SMARCC2: variants seen among roughly 807,000 people sequenced by gnomAD.
SMARCC2 encodes the protein SWI/SNF related BAF chromatin remodeling complex subunit C2.
A neutral mutation model predicts 151.3 loss-of-function variants in SMARCC2; 15 were observed. The ratio of observed to expected loss-of-function variants is 0.10; its 90% CI spans 0.07 to 0.15. The LOEUF (loss-of-function observed/expected upper bound fraction) is 0.15. Among genes scored for constraint, SMARCC2 ranks in the 10% least tolerant of loss-of-function variants. The pLI is 1.00. For synonymous variants in SMARCC2, 590 were observed against 609.5 expected (o/e 0.97, Z 0.47); for missense variants, 1,031 against 1,599.7 (o/e 0.64, Z 6.06).
intron 15 of SMARCC2, among the ~76,000 whole-genome samples, chr12:56,177,804 T>C (rs1178449627): frequency 1.3e-5 from 2 of 152,366 alleles, no homozygotes; most frequent in Middle Eastern, 3.4e-3. Context: ...GTATAGAACA[T>C]GCTTAATATC....
At chr12:56,188,143 A>C (rs1877622258) in intron 1 of SMARCC2, among the ~76,000 whole-genome samples, 1 of 152,214 alleles carries the variant, frequency 6.6e-6, no homozygotes, top group Admixed American at 6.5e-5. Flanking sequence ...AAGAGCTAAG[A>C]GCATGGAAGC....
chr12:56,183,874 A>G lies in SMARCC2; in HGVS notation c.619T>C (p.Tyr207His). The G allele has an allele frequency of 6.2e-7, 1 of 1,613,316 alleles. No individual in the cohort carries two copies. Among genetic ancestry groups the G allele is most frequent in the South Asian group, 1.1e-5 (1 of 91,012 alleles). Residue 207 changes from tyrosine to histidine, a missense_variant, in exon 7 of 29, where the codon TAC becomes CAC. By Grantham distance (83) the Tyr-to-His change is moderately conservative. Transcript: ENST00000550164. ...ACCCATCCTCACCTGTCAGGATAGT[A>G]GCCCCAGTGCAGAAGAACCTGCTTA... ...RDKQVLLHWG[Y>H]YPDSYDTWIP... is the part of the protein sequence containing the mutation.
rs762913661 is a variant in SMARCC2 at position 56,178,837 on chromosome 12, T to C, written c.1152A>G (p.Glu384=). The C allele has an allele frequency of 1.2e-6, 2 of 1,614,158 alleles. No homozygotes were observed. The highest frequency in any genetic ancestry group is 3.3e-4 in the Middle Eastern group (2 of 6,062). ...GGTMTDLDEQ[E]DESMETTGKD... is the part of the protein sequence containing the mutation. ...TGCCCGTCGTCTCCATGCTTTCATC[T>C]TCCTGTTCATCTGAAAGAGAAAAAC... Residue 384 remains glutamate, a synonymous_variant, in exon 13 of 29, where the codon GAA becomes GAG. Coordinates refer to ENST00000550164, the MANE Select transcript of SMARCC2 (RefSeq NM_001330288.2).
chr12:56,179,235 T>C (rs1386276880), intron 11 of SMARCC2, among the ~76,000 whole-genome samples, 179 bp from the exon 12 acceptor site: 1 of 152,210 alleles, frequency 6.6e-6, no homozygotes, highest in East Asian at 1.9e-4. Flanking sequence ...TCCCCACTTC[T>C]CCAACCAAAA....
intron 15 of SMARCC2, among the ~76,000 whole-genome samples, chr12:56,176,325 C>A (rs1229053555): frequency 1.3e-5 from 2 of 152,192 alleles, no homozygotes; most frequent in African/African-American, 4.8e-5. Flanking sequence ...CACGGAGGGA[C>A]CCCCAGAGAG....
chr12:56,175,252 C>T (rs1399604011), intron 15 of SMARCC2, among the ~76,000 whole-genome samples: 1 of 152,130 alleles, frequency 6.6e-6, no homozygotes, highest in Non-Finnish European at 1.5e-5. Context: ...CTCAGGTGAG[C>T]CTCCTGCCTC....
chr12:56,168,990 T>C (rs1748253293), intron 25 of SMARCC2, among the ~76,000 whole-genome samples: 1 of 151,112 alleles, frequency 6.6e-6, no homozygotes, highest in Admixed American at 6.6e-5. Context: ...AAAAAATACA[T>C]AAATAAATAA....
intron 1 of SMARCC2, among the ~76,000 whole-genome samples, chr12:56,188,553 G>A (rs772233724): frequency 6.6e-6 from 1 of 152,182 alleles, no homozygotes; most frequent in Non-Finnish European, 1.5e-5. Context: ...AGAAAAGACA[G>A]GTAAGGATTC....
Position 56,162,967 on chromosome 12 carries a change from T to C in SMARCC2, c.*722A>G, listed in dbSNP as rs986780229. 1 of 152,306 alleles carries C rather than the reference T, an allele frequency of 6.6e-6. No homozygotes were observed. Among genetic ancestry groups the C allele is most frequent in the African/African-American group, 2.4e-5 (1 of 41,402 alleles). The allele number at this position is 152,306 out of a possible 1,614,324, so 9.4% of individuals were successfully genotyped here. A position where few individuals can be genotyped will look rare whatever the true frequency, so the allele number is the denominator to read the frequency against. On this transcript the variant is annotated 3_prime_UTR_variant, in exon 29 of 29. Transcript: ENST00000550164. The stretch of plus-strand genomic sequence containing the variant: ...TTAGGTTTTCCCCACCAAATACACA[T>C]ACGCTGACATCAACTAAGCAAGTGA...
intron 25 of SMARCC2, among the ~76,000 whole-genome samples, chr12:56,168,837 G>A (rs1292334298): frequency 2.0e-5 from 3 of 151,606 alleles, no homozygotes; most frequent in African/African-American, 2.4e-5. Flanking sequence ...AAAATTAACC[G>A]GGCATGCTGG....
chr12:56,174,335 C>G lies in SMARCC2; in HGVS notation c.1496+316G>C, dbSNP rs369346725. On this transcript the variant is annotated intron_variant, in intron 16 of 28. Coordinates refer to ENST00000550164, the MANE Select transcript of SMARCC2 (RefSeq NM_001330288.2). ...CCATTTTGTCCAGGCTGGTCTCGAA[C>G]TTCTGGGCTCCAGCAATCCTCCCAC... Among the ~76,000 whole-genome samples the G allele has an allele frequency of 9.9e-5, 15 of 152,272 alleles. No individual in the cohort carries two copies. In the South Asian group the frequency reaches 1.0e-3, roughly 11 times the overall value.
At position 56,171,233 on chromosome 12, in the gene SMARCC2, G is replaced by A. The variant is rs978820146; in HGVS notation, c.2347+38C>T. ...AGGAGGCCAGGTAGCTCTGGATCTT[G>A]TGAAAGGCAAGAAATCTGGGAACCT... is the stretch of plus-strand genomic sequence containing the variant. On this transcript the variant is annotated intron_variant, in intron 22 of 28. Coordinates refer to ENST00000550164, the MANE Select transcript of SMARCC2 (RefSeq NM_001330288.2). This position sits in a 1 kb window ranked among gnomAD's most constrained non-coding sequence, Gnocchi z 4.2. 1 of 1,609,292 alleles carries A rather than the reference G, an allele frequency of 6.2e-7. No homozygotes were observed. Among genetic ancestry groups the A allele is most frequent in the Non-Finnish European group, 8.5e-7 (1 of 1,176,048 alleles).
chr12:56,172,828 TCCTC>T, intron 18 of SMARCC2, 105 bp downstream of exon 18: 1 of 1,563,296 alleles, frequency 6.4e-7, no homozygotes, highest in Non-Finnish European at 8.7e-7. Flanking sequence ...GGGTGGGACT[TCCTC>T]CCTTACTGCT....
chr12:56,175,156 C>A (rs938630683), intron 15 of SMARCC2, among the ~76,000 whole-genome samples: 1 of 152,110 alleles, frequency 6.6e-6, no homozygotes, highest in Non-Finnish European at 1.5e-5. Flanking sequence ...TGATTACAGG[C>A]ATGTGCCACC....
chr12:56,178,586 A>G (rs777387537), intron 13 of SMARCC2, 52 bp from the exon 14 acceptor site: 6 of 1,612,888 alleles, frequency 3.7e-6, no homozygotes, highest in Non-Finnish European at 5.1e-6. Context: ...CCTCCCTAGC[A>G]ACCCTCTGCT....
intron 2 of SMARCC2, chr12:56,186,834 C>T: frequency 1.0e-5 from 2 of 198,108 alleles, no homozygotes; most frequent in South Asian, 1.7e-4. Flanking sequence ...GGAACCAAGA[C>T]TCATGAATGT....
At chr12:56,179,123 C>T in intron 11 of SMARCC2, 67 bp from the exon 12 acceptor site, 1 of 1,368,290 alleles carries the variant, frequency 7.3e-7, no homozygotes, top group African/African-American at 1.4e-5. Flanking sequence ...TTTAATAGTT[C>T]CAGACATCCT....
rs768178089 is a variant in SMARCC2, at chr12:56,181,036, T to A, written c.1022A>T (p.Lys341Met). ...GACTGGTGAGGGCTCGTCCATGTCCTTTGTCAGGTCTTCTTGCTCCTCTTC... is the reference window on the plus strand; with the variant it reads ...GACTGGTGAGGGCTCGTCCATGTCCATTGTCAGGTCTTCTTGCTCCTCTTC... Reference protein sequence around the residue: ...HREEEQEDLTKDMDEPSPVPN... With the variant: ...HREEEQEDLTMDMDEPSPVPN... Residue 341 changes from lysine to methionine, a missense_variant, in exon 11 of 29, where the codon AAG becomes ATG. Physicochemically the swap from Lys to Met is moderately conservative, Grantham distance 95. Transcript: ENST00000550164. 6.2e-7 allele frequency: 1 copy of A among 1,613,782 alleles called. No homozygotes were observed.
intron 18 of SMARCC2, 101 bp from the exon 19 acceptor site, chr12:56,172,805 C>G: frequency 2.5e-6 from 4 of 1,581,938 alleles, no homozygotes; most frequent in Non-Finnish European, 3.4e-6. Flanking sequence ...TTCCCAAAGC[C>G]AGGGACACCC....
Sources: gnomAD v4.1 joint callset for allele counts (sites outside exome capture counted in the v4.1 genomes callset) on GRCh38, gnomAD v4.1.1 for gene constraint, Gnocchi (gnomAD v3.1) non-coding constraint, MANE v1.5 for transcripts, NCBI Gene and HGNC (gene_info 2026-07-23, HGNC 2026-07-21) for gene names.